ATG7: variants seen among roughly 807,000 people sequenced by gnomAD.
The protein encoded by ATG7 is autophagy related 7.
A neutral mutation model predicts 82.4 loss-of-function variants in ATG7; 70 were observed. The ratio of observed to expected loss-of-function variants is 0.85; its 90% CI spans 0.70 to 1.04. The LOEUF (loss-of-function observed/expected upper bound fraction) is 1.04. Among genes scored for constraint, ATG7 ranks in the 50% least tolerant of loss-of-function variants. ATG7 has a pLI of 0.00. For synonymous variants in ATG7, 287 were observed against 313.0 expected, an observed-to-expected ratio of 0.92 and a Z score of 0.88; for missense variants, 792 against 864.3, an observed-to-expected ratio of 0.92 and a Z score of 1.05.
At chr3:11,498,471 G>T (rs532448890) in intron 20 of ATG7, among the ~76,000 whole-genome samples, 1 of 152,110 alleles carries the variant, frequency 6.6e-6, no homozygotes, top group South Asian at 2.1e-4. Flanking sequence ...TGCTATATGG[G>T]CCACCTGCCT....
intron 20 of ATG7, among the ~76,000 whole-genome samples, chr3:11,442,637 A>C (rs796417364): frequency 3.4e-5 from 5 of 148,046 alleles, no homozygotes; most frequent in African/African-American, 1.2e-4. Flanking sequence ...GCGTGGGATT[A>C]CATGCCTGTA....
At chr3:11,462,465 A>G (rs2086403064) in intron 20 of ATG7, among the ~76,000 whole-genome samples, 1 of 152,152 alleles carries the variant, frequency 6.6e-6, no homozygotes, top group Non-Finnish European at 1.5e-5. Context: ...AGGTAAAGCC[A>G]TGATGGGGGT....
intron 20 of ATG7, among the ~76,000 whole-genome samples, chr3:11,435,158 T>C (rs1439588993): frequency 6.6e-6 from 1 of 152,370 alleles, no homozygotes; most frequent in African/African-American, 2.4e-5. Flanking sequence ...TTATACATTT[T>C]ATAAATATTC....
intron 7 of ATG7, among the ~76,000 whole-genome samples, chr3:11,311,590 G>A (rs2606758): frequency 0.53 from 78,514 of 147,706 alleles, 21,692 homozygotes; most frequent in East Asian, 0.63. Context: ...GTGTGACAGA[G>A]CAAGACTGTC....
intron 11 of ATG7, among the ~76,000 whole-genome samples, chr3:11,337,469 GCT>G (rs66816143): frequency 2.8e-4 from 42 of 149,472 alleles, no homozygotes; most frequent in African/African-American, 8.6e-4. Context: ...TGTCTTTCTA[GCT>G]CTCTCTCTCT....
chr3:11,483,940 G>A (rs967151764), intron 20 of ATG7, among the ~76,000 whole-genome samples: 1 of 152,128 alleles, frequency 6.6e-6, no homozygotes, highest in African/African-American at 2.4e-5. Flanking sequence ...AGAAAGTATT[G>A]GGATAAATTC....
At chr3:11,403,568 T>C (rs1413813669) in intron 19 of ATG7, among the ~76,000 whole-genome samples, 3 of 152,230 alleles carry the variant, frequency 2.0e-5, no homozygotes, top group African/African-American at 7.2e-5. Flanking sequence ...TTTTTTCTTC[T>C]GGTGAGTTAC....
Position 11,359,188 on chromosome 3 carries a change from AAGAG to A in ATG7, c.1479+579_1479+582del, listed in dbSNP as rs563537214. Among the ~76,000 whole-genome samples the A allele has an allele frequency of 2.3e-3, 348 of 152,250 alleles. 1 individual carries two copies. Among genetic ancestry groups the A allele is most frequent in the African/African-American group, 7.7e-3 (321 of 41,536 alleles). Reference sequence around the variant, plus strand: ...AGAAAGAGGACAAGAAGAAGGGAGAAAGAGAGGGAGAGTATGGGAGAGAAAGGGA... The same window carrying A: ...AGAAAGAGGACAAGAAGAAGGGAGAAAGGGAGAGTATGGGAGAGAAAGGGA... On this transcript the variant is annotated intron_variant, in intron 15 of 20. Transcript: ENST00000693202.
chr3:11,557,567 G>A lies in ATG7; in HGVS notation c.*2724G>A, dbSNP rs1204319373. 6.6e-6 allele frequency: 1 copy of A among 152,566 alleles called. No homozygotes were observed. Among genetic ancestry groups the A allele is most frequent in the African/African-American group, 2.4e-5 (1 of 41,472 alleles). The allele number at this position is 152,566 out of a possible 1,614,324, so 9.5% of individuals were successfully genotyped here. A position where few individuals can be genotyped will look rare whatever the true frequency, so the allele number is the denominator to read the frequency against. On this transcript the variant is annotated 3_prime_UTR_variant, in exon 21 of 21. Transcript: ENST00000693202. Reference sequence around the variant, plus strand: ...AGCTGGCCTCCCGCACTACTTGTGAGTAAAGTGAATATCAAATACCAATCT... The same window carrying A: ...AGCTGGCCTCCCGCACTACTTGTGAATAAAGTGAATATCAAATACCAATCT...
At chr3:11,554,699 G>A (rs2072229778) in intron 20 of ATG7, 112 bp from the exon 21 acceptor site, 7 of 1,285,970 alleles carry the variant, frequency 5.4e-6, no homozygotes, top group Non-Finnish European at 7.6e-6. Flanking sequence ...CAGAAACAAG[G>A]GAGTGGTTCT....
chr3:11,522,664 A>T (rs867339916), intron 20 of ATG7, among the ~76,000 whole-genome samples: 14 of 152,230 alleles, frequency 9.2e-5, no homozygotes, highest in Non-Finnish European at 5.9e-5. Context: ...TCTAGAGGTC[A>T]TTTATACCAA....
downstream of ATG7, chr3:11,558,719 A>G (rs1195550152): frequency 1.2e-6 from 2 of 1,614,150 alleles, no homozygotes; most frequent in East Asian, 2.2e-5. Flanking sequence ...GTGGTCGTCC[A>G]CGGAGCCCGT....
intron 18 of ATG7, among the ~76,000 whole-genome samples, chr3:11,377,195 GAGA>G (rs1191806974): frequency 6.6e-6 from 1 of 152,208 alleles, no homozygotes; most frequent in African/African-American, 2.4e-5. Flanking sequence ...GCAGTCGGTT[GAGA>G]AGAAGGGTTT....
intron 19 of ATG7, among the ~76,000 whole-genome samples, chr3:11,423,235 A>G (rs914804679): frequency 3.9e-5 from 6 of 152,188 alleles, no homozygotes; most frequent in African/African-American, 1.4e-4. Context: ...CACATACTAC[A>G]TTTATCTATT....
chr3:11,554,194 T>G (rs2072138808), intron 20 of ATG7, among the ~76,000 whole-genome samples: 1 of 152,196 alleles, frequency 6.6e-6, no homozygotes, highest in Non-Finnish European at 1.5e-5. Flanking sequence ...AGGCTCAGAC[T>G]CGGAGGACAC....
In ATG7 at chr3:11,488,472, A is replaced by T; in HGVS notation, c.2079+61546A>T. On this transcript the variant is annotated intron_variant, in intron 20 of 20. Transcript: ENST00000693202. Reference sequence around the variant, plus strand: ...TCGGTCGCGGCAGCGGCTCCGCTTCATATCTGCAGCTGGGGCCCGCGGGTG... The same window carrying T: ...TCGGTCGCGGCAGCGGCTCCGCTTCTTATCTGCAGCTGGGGCCCGCGGGTG... 4.7e-6 allele frequency: 6 copies of T among 1,287,970 alleles called. No homozygotes were observed. In the South Asian group the frequency reaches 5.3e-5, roughly 11 times the overall value. 79.8% of individuals were successfully genotyped at this position (1,287,970 alleles called of 1,614,324 possible).
chr3:11,388,236 T>G (rs576635190), intron 19 of ATG7, among the ~76,000 whole-genome samples: 6 of 152,196 alleles, frequency 3.9e-5, no homozygotes, highest in Admixed American at 1.3e-4. Flanking sequence ...ACCACTAGTT[T>G]TTGTGTCTCT....
intron 20 of ATG7, among the ~76,000 whole-genome samples, chr3:11,525,537 A>C (rs1229158773): frequency 1.4e-5 from 2 of 142,446 alleles, no homozygotes; most frequent in Admixed American, 7.2e-5. Flanking sequence ...CACAGCCAAC[A>C]TTAATATCTA....
chr3:11,358,738 A>G, intron 15 of ATG7, 126 bp downstream of exon 15: 1 of 998,168 alleles, frequency 1.0e-6, no homozygotes, highest in Non-Finnish European at 1.4e-6. Context: ...ATAGTGCCAA[A>G]GGGCTTCTGC....
Sources: allele counts gnomAD v4.1 joint callset (sites outside exome capture counted in the v4.1 genomes callset), GRCh38; gene constraint gnomAD v4.1.1; transcripts MANE v1.5; gene names NCBI Gene and HGNC (gene_info 2026-07-23, HGNC 2026-07-21).